Variants in BLTP3B observed in about 807,000 individuals in gnomAD.
The protein encoded by BLTP3B is UHRF1 (ICBP90) binding protein 1-like.
the BLTP3B span, among the ~76,000 whole-genome samples, chr12:100,126,857 C>G: frequency 7.9e-5 from 12 of 152,032 alleles, no homozygotes; most frequent in African/African-American, 2.7e-4. Flanking sequence ...TTCCAAGCAG[C>G]CTGCTATGTC....
chr12:100,044,460 A>G, the BLTP3B span, among the ~76,000 whole-genome samples: 2 of 152,186 alleles, frequency 1.3e-5, no homozygotes, highest in African/African-American at 4.8e-5. Context: ...ACTGGCTACT[A>G]AAATAGTGAA....
the BLTP3B span, among the ~76,000 whole-genome samples, chr12:100,100,894 C>A: frequency 1.3e-5 from 2 of 151,942 alleles, no homozygotes; most frequent in African/African-American, 4.8e-5. Flanking sequence ...TGAAAAAATG[C>A]TGAAATAGAT....
the BLTP3B span, chr12:100,086,371 AAGGGGG>A: frequency 2.1e-6 from 1 of 471,230 alleles, no homozygotes; most frequent in South Asian, 1.7e-5. Context: ...GGGAAAAAAA[AAGGGGG>A]GGGGGGAAAT....
the BLTP3B span, among the ~76,000 whole-genome samples, chr12:100,109,078 G>T: frequency 6.6e-6 from 1 of 151,894 alleles, no homozygotes; most frequent in Non-Finnish European, 1.5e-5. Flanking sequence ...GGAGGTGACT[G>T]GATCATGGGG....
chr12:100,071,761 G>A, the BLTP3B span, among the ~76,000 whole-genome samples: 1 of 152,084 alleles, frequency 6.6e-6, no homozygotes, highest in Non-Finnish European at 1.5e-5. Context: ...TTTTAAAACA[G>A]TCAAAAAAAT....
the BLTP3B span, among the ~76,000 whole-genome samples, chr12:100,132,995 G>A: frequency 6.6e-6 from 1 of 152,082 alleles, no homozygotes; most frequent in African/African-American, 2.4e-5. Context: ...TGTAATCCCA[G>A]CACTTTCAGA....
At chr12:100,130,776 TG>T in the BLTP3B span, among the ~76,000 whole-genome samples, 1 of 151,892 alleles carries the variant, frequency 6.6e-6, no homozygotes, top group Non-Finnish European at 1.5e-5. Context: ...ACAAAAATAC[TG>T]GCTGGGCATG....
At chr12:100,037,503 A>T in the BLTP3B span, 1 of 1,516,564 alleles carries the variant, frequency 6.6e-7, no homozygotes, top group East Asian at 2.4e-5. Context: ...AATAGTCACC[A>T]CTTCATCACA....
the BLTP3B span, among the ~76,000 whole-genome samples, chr12:100,045,170 C>G: frequency 1.4e-4 from 21 of 152,158 alleles, no homozygotes; most frequent in African/African-American, 5.1e-4. Context: ...AATGGCCATA[C>G]TGCCCAAGTT....
chr12:100,072,480 G>T, the BLTP3B span, among the ~76,000 whole-genome samples: 2 of 152,220 alleles, frequency 1.3e-5, no homozygotes, highest in Non-Finnish European at 2.9e-5. Flanking sequence ...GCCAAGGCAG[G>T]AGTATGGCTT....
the BLTP3B span, among the ~76,000 whole-genome samples, chr12:100,066,673 AG>A: frequency 6.6e-6 from 1 of 151,736 alleles, no homozygotes; most frequent in Non-Finnish European, 1.5e-5. Flanking sequence ...GCAGGGTGGC[AG>A]GCACCTGTAG....
the BLTP3B span, among the ~76,000 whole-genome samples, chr12:100,140,753 T>A: frequency 1.6e-3 from 166 of 106,710 alleles, 4 homozygotes; most frequent in African/African-American, 5.3e-3. Flanking sequence ...TATATATATA[T>A]AAAATAAAAT....
the BLTP3B span, among the ~76,000 whole-genome samples, chr12:100,068,145 T>C: frequency 1.3e-5 from 2 of 152,098 alleles, no homozygotes; most frequent in African/African-American, 4.8e-5. Flanking sequence ...TGTATAAAAA[T>C]AGGCACACAG....
chr12:100,097,590 A>G, the BLTP3B span: 1 of 1,386,432 alleles, frequency 7.2e-7, no homozygotes, highest in Non-Finnish European at 9.7e-7. Context: ...AAGCAAATGT[A>G]TATTCTCAGT....
chr12:100,133,080 A>C, the BLTP3B span, among the ~76,000 whole-genome samples: 1 of 152,194 alleles, frequency 6.6e-6, no homozygotes, highest in East Asian at 1.9e-4. Flanking sequence ...TGTCTCTACA[A>C]AAATAAAAAA....
At chr12:100,064,315 T>C in the BLTP3B span, among the ~76,000 whole-genome samples, 2 of 152,068 alleles carry the variant, frequency 1.3e-5, no homozygotes, top group Admixed American at 6.5e-5. Flanking sequence ...CTAAGAATAA[T>C]TGGTGTTCCT....
chr12:100,065,802 T>A, the BLTP3B span, among the ~76,000 whole-genome samples: 1 of 152,204 alleles, frequency 6.6e-6, no homozygotes, highest in African/African-American at 2.4e-5. Flanking sequence ...TGCCTTGTGA[T>A]CTTTATTGGC....
the BLTP3B span, among the ~76,000 whole-genome samples, chr12:100,130,945 C>CAT: frequency 2.4e-4 from 29 of 120,304 alleles, 1 homozygote; most frequent in Non-Finnish European, 4.4e-4. Context: ...TACATACATA[C>CAT]ATACATATAT....
At chr12:100,131,188 G>A in the BLTP3B span, among the ~76,000 whole-genome samples, 27 of 151,784 alleles carry the variant, frequency 1.8e-4, no homozygotes, top group African/African-American at 6.3e-4. Flanking sequence ...GTGCACACCT[G>A]TGGTCCCCAC....
Sources: allele counts gnomAD v4.1 joint callset (sites outside exome capture counted in the v4.1 genomes callset), GRCh38; gene constraint gnomAD v4.1.1; transcripts MANE v1.5; gene names NCBI Gene and HGNC (gene_info 2026-07-23, HGNC 2026-07-21).